The following TENM1 variants were observed in gnomAD, a reference collection of about 807,000 sequenced individuals.
TENM1 encodes teneurin-1.
TENM1 carries 35 observed loss-of-function variants against 174.8 expected under a neutral mutation model. That is an observed-to-expected ratio of 0.20 (90% CI 0.15 to 0.27). TENM1 has a LOEUF of 0.27. Ranked by LOEUF, TENM1 falls within the 10% of genes least tolerant of loss-of-function variation. TENM1 has a pLI of 1.00. For missense variants in TENM1, 1,633 were observed against 2,130.1 expected (o/e 0.77, Z 4.59); for synonymous variants, 781 against 798.7 (o/e 0.98, Z 0.37).
At chrX:124,524,726 T>G (rs151072772) in intron 16 of TENM1, among the ~76,000 whole-genome samples, 1,170 of 111,860 alleles carry the variant, frequency 0.01, 21 homozygotes, top group African/African-American at 0.035. Flanking sequence ...CTAGATGTGG[T>G]CTATGACAAG....
intron 3 of TENM1, among the ~76,000 whole-genome samples, chrX:124,833,979 G>C (rs1259091483): frequency 9.1e-6 from 1 of 110,261 alleles, no homozygotes; most frequent in Non-Finnish European, 1.9e-5. Flanking sequence ...AAACAGCTCC[G>C]ACCAATCTGA....
At chrX:125,197,394 G>A in the TENM1 span, among the ~76,000 whole-genome samples, 2 of 111,470 alleles carry the variant, frequency 1.8e-5, no homozygotes, top group Non-Finnish European at 3.8e-5. Flanking sequence ...AAGGGAAACC[G>A]AGGCTATAGA....
chrX:125,142,756 G>T, the TENM1 span, among the ~76,000 whole-genome samples: 1 of 110,987 alleles, frequency 9.0e-6, no homozygotes, highest in African/African-American at 3.3e-5. Flanking sequence ...GATAAGATGG[G>T]CCATCTGAAA....
At chrX:124,516,246 C>T (rs540104144) in intron 18 of TENM1, among the ~76,000 whole-genome samples, 1 of 111,934 alleles carries the variant, frequency 8.9e-6, no homozygotes, top group South Asian at 3.7e-4. Flanking sequence ...ACTATAAAAA[C>T]CCTGGAAGAC....
At chrX:124,894,474 T>G in intron 2 of TENM1, 122 bp from the exon 6 acceptor site, 2 of 478,854 alleles carry the variant, frequency 4.2e-6, no homozygotes, top group Non-Finnish European at 7.2e-6. Context: ...GCAATATAAT[T>G]CACATATGTA....
chrX:124,460,262 T>C (rs1478855579), intron 22 of TENM1, among the ~76,000 whole-genome samples: 2 of 111,567 alleles, frequency 1.8e-5, no homozygotes, highest in Non-Finnish European at 3.8e-5. Flanking sequence ...CATTCTATTA[T>C]AAAGACACAT....
intron 11 of TENM1, among the ~76,000 whole-genome samples, chrX:124,575,971 C>T (rs760669163): frequency 1.8e-5 from 2 of 112,039 alleles, no homozygotes; most frequent in African/African-American, 6.5e-5. Flanking sequence ...CCTCAAATGC[C>T]AAAGAATGTT....
At chrX:125,188,046 G>C in the TENM1 span, among the ~76,000 whole-genome samples, 1 of 111,986 alleles carries the variant, frequency 8.9e-6, no homozygotes, top group Non-Finnish European at 1.9e-5. Context: ...AAAAGGCAGT[G>C]TGGGCCACAC....
At chrX:124,605,680 C>CA (rs1254574268) in intron 11 of TENM1, among the ~76,000 whole-genome samples, 1 of 111,542 alleles carries the variant, frequency 9.0e-6, no homozygotes, top group Non-Finnish European at 1.9e-5. Context: ...CATAATGAGA[C>CA]ATTACTCATC....
intron 5 of TENM1, among the ~76,000 whole-genome samples, chrX:124,680,103 T>C (rs1323404314): frequency 1.8e-5 from 2 of 111,667 alleles, no homozygotes; most frequent in African/African-American, 6.5e-5. Context: ...ACAAAACACA[T>C]TTTGCAAGTC....
chrX:124,441,386 A>G (rs1157812093), intron 23 of TENM1, among the ~76,000 whole-genome samples: 1 of 112,727 alleles, frequency 8.9e-6, no homozygotes, highest in African/African-American at 3.2e-5. Context: ...TTCAGTAGTC[A>G]TCACTTTCTG....
chrX:125,025,109 C>T, the TENM1 span, among the ~76,000 whole-genome samples: 223 of 111,743 alleles, frequency 2.0e-3, 1 homozygote, highest in Non-Finnish European at 3.3e-3. Flanking sequence ...GGAATAATCA[C>T]CTCTGAAGGG....
intron 15 of TENM1, among the ~76,000 whole-genome samples, chrX:124,533,818 C>G (rs1377018395): frequency 9.0e-6 from 1 of 111,667 alleles, no homozygotes; most frequent in Non-Finnish European, 1.9e-5. Context: ...TTTTGTGTGT[C>G]TATATGTGTG....
chrX:124,776,763 T>C (rs138173247), intron 3 of TENM1, among the ~76,000 whole-genome samples: 1,243 of 111,500 alleles, frequency 0.011, 12 homozygotes, highest in African/African-American at 0.038. Flanking sequence ...GGAAATTAGA[T>C]GGGCTGGACA....
intron 3 of TENM1, among the ~76,000 whole-genome samples, chrX:124,810,085 T>C (rs1377349088): frequency 1.8e-5 from 2 of 110,910 alleles, no homozygotes; most frequent in Non-Finnish European, 3.8e-5. Flanking sequence ...AAAGACCATA[T>C]ATGACAAACT....
At chrX:124,590,127 C>CA (rs1294031691) in intron 11 of TENM1, among the ~76,000 whole-genome samples, 2 of 111,682 alleles carry the variant, frequency 1.8e-5, no homozygotes, top group Admixed American at 9.6e-5. Flanking sequence ...TCATTTATTT[C>CA]AAAAATTTTT....
At chrX:124,662,210 T>G (rs1341241471) in intron 6 of TENM1, among the ~76,000 whole-genome samples, 1 of 110,482 alleles carries the variant, frequency 9.1e-6, no homozygotes, top group Non-Finnish European at 1.9e-5. Context: ...ATCCCAGCAC[T>G]TTGGGAAGCT....
the TENM1 span, among the ~76,000 whole-genome samples, chrX:125,183,864 T>C: frequency 8.9e-6 from 1 of 112,091 alleles, no homozygotes. Flanking sequence ...TAATTGCTAA[T>C]CTTGATTCCG....
the TENM1 span, among the ~76,000 whole-genome samples, chrX:125,140,415 T>C: frequency 9.0e-6 from 1 of 111,641 alleles, no homozygotes; most frequent in Non-Finnish European, 1.9e-5. Flanking sequence ...AAAAGAATGA[T>C]AGCTACCAGA....
Sources: gnomAD v4.1 joint callset for allele counts (sites outside exome capture counted in the v4.1 genomes callset) on GRCh38, gnomAD v4.1.1 for gene constraint, MANE v1.5 for transcripts, NCBI Gene and HGNC (gene_info 2026-07-23, HGNC 2026-07-21) for gene names.